ZNF354C: variants seen among roughly 807,000 people sequenced by gnomAD.
ZNF354C encodes the protein KRAB-zinc finger protein synten.
ZNF354C carries 7 observed loss-of-function variants against 12.4 expected under a neutral mutation model. The observed-to-expected ratio is 0.56, with a 90% CI of 0.32 to 1.06. The LOEUF (loss-of-function observed/expected upper bound fraction) is 1.06, where lower values mean the gene tolerates loss of function less well. ZNF354C is among the 50% of genes least tolerant of loss of function. ZNF354C has a pLI of 0.04. For missense variants in ZNF354C, 609 were observed against 658.0 expected (o/e 0.93, Z 0.81); for synonymous variants, 202 against 224.5 (o/e 0.90, Z 0.90).
chr5:179,082,838 A>G lies in ZNF354C; in HGVS notation c.*2741A>G. The G allele has an allele frequency of 1.6e-6, 2 of 1,278,296 alleles. No homozygotes were observed. Among genetic ancestry groups the G allele is most frequent in the Non-Finnish European group, 2.3e-6 (2 of 875,100 alleles). 79.2% of individuals were successfully genotyped at this position (1,278,296 alleles called of 1,614,324 possible). A position where few individuals can be genotyped will look rare whatever the true frequency, so the allele number is the denominator to read the frequency against. On this transcript the variant is annotated 3_prime_UTR_variant, in exon 5 of 5. Coordinates refer to ENST00000315475, the MANE Select transcript of ZNF354C (RefSeq NM_014594.3). Reference sequence around the variant, plus strand: ...ACCGATCAGGTCGAGGAGCTGCAACAGCCTTGGGGCCCTCACAGACTCGCC... The same window carrying G: ...ACCGATCAGGTCGAGGAGCTGCAACGGCCTTGGGGCCCTCACAGACTCGCC...
Position 179,069,576 on chromosome 5 carries a change from A to AG in ZNF354C, c.28-6869_28-6868insG, listed in dbSNP as rs1554119872. 7.9e-3 allele frequency among the ~76,000 whole-genome samples: 1,192 copies of AG among 150,008 alleles called. 23 individuals carry two copies. The highest frequency in any genetic ancestry group is 0.028 in the African/African-American group (1,136 of 40,674). On this transcript the variant is annotated intron_variant, in intron 2 of 4. Coordinates refer to ENST00000315475, the MANE Select transcript of ZNF354C (RefSeq NM_014594.3). ...GACTCCATCTCAAAAAAAAAAAAAA[A>AG]AAAGAAAGGCCGGGCACGGTGGCTC... is the stretch of plus-strand genomic sequence containing the variant.
chr5:179,061,807 C>T (rs1561746605), intron 1 of ZNF354C, among the ~76,000 whole-genome samples: 1 of 152,036 alleles, frequency 6.6e-6, no homozygotes, highest in Non-Finnish European at 1.5e-5. Context: ...CTGAGAGGCC[C>T]GAAGGTGGAA....
intron 2 of ZNF354C, among the ~76,000 whole-genome samples, chr5:179,066,319 A>G (rs1247134411): frequency 2.0e-5 from 3 of 152,264 alleles, no homozygotes; most frequent in Non-Finnish European, 4.4e-5. Context: ...CATTGCTGCC[A>G]TTCATTTCAC....
At chr5:179,071,886 T>C (rs1381630102) in intron 2 of ZNF354C, among the ~76,000 whole-genome samples, 1 of 152,092 alleles carries the variant, frequency 6.6e-6, no homozygotes, top group Non-Finnish European at 1.5e-5. Context: ...ACAAAGATAT[T>C]TGATGCTGCC....
rs1339976441 is a variant in ZNF354C at position 179,081,202 on chromosome 5, ATTCTTTT to A, written c.*1111_*1117del. ...ATCTTAATAATTGACTCACAACTATATTCTTTTTTCTTATGAGTCCCTAATTATGCCT... is the reference window on the plus strand; with the variant it reads ...ATCTTAATAATTGACTCACAACTATATTCTTATGAGTCCCTAATTATGCCT... On this transcript the variant is annotated 3_prime_UTR_variant, in exon 5 of 5. Transcript: ENST00000315475. The A allele has an allele frequency of 6.6e-6, 1 of 152,162 alleles. No homozygotes were observed. The highest frequency in any genetic ancestry group is 1.5e-5 in the Non-Finnish European group (1 of 68,032). The allele number at this position is 152,162 out of a possible 1,614,324, so 9.4% of individuals were successfully genotyped here.
chr5:179,066,712 C>T (rs770258341), intron 2 of ZNF354C, among the ~76,000 whole-genome samples: 30 of 152,222 alleles, frequency 2.0e-4, no homozygotes, highest in Non-Finnish European at 3.8e-4. Flanking sequence ...GGAAAATCCA[C>T]TGTCATTCTT....
chr5:179,074,211 G>T (rs886068268), intron 2 of ZNF354C, among the ~76,000 whole-genome samples: 13 of 151,998 alleles, frequency 8.6e-5, no homozygotes, highest in African/African-American at 2.9e-4. Context: ...TCCATCTCTT[G>T]ACCTCGTGAT....
At chr5:179,071,526 A>G (rs962662790) in intron 2 of ZNF354C, among the ~76,000 whole-genome samples, 3 of 152,192 alleles carry the variant, frequency 2.0e-5, no homozygotes, top group African/African-American at 7.2e-5. Flanking sequence ...GGTACTGGAG[A>G]GAAATCAAAA....
Position 179,082,484 on chromosome 5 carries a change from T to G in ZNF354C, c.*2387T>G, listed in dbSNP as rs1581123256. On this transcript the variant is annotated 3_prime_UTR_variant, in exon 5 of 5. Coordinates refer to ENST00000315475, the MANE Select transcript of ZNF354C (RefSeq NM_014594.3). ...ACTGGACTTTTTTTTATATATTTAT[T>G]TTAAAATGGTTTTCTTAAATTTATT... 1.8e-6 allele frequency: 1 copy of G among 560,320 alleles called. No individual in the cohort carries two copies. Among genetic ancestry groups the G allele is most frequent in the African/African-American group, 1.9e-5 (1 of 53,014 alleles). 34.7% of individuals were successfully genotyped at this position (560,320 alleles called of 1,614,324 possible).
At position 179,078,941 on chromosome 5, in the gene ZNF354C, T is replaced by G. The variant is rs1443826514; in HGVS notation, c.509T>G (p.Phe170Cys). 33 of 1,613,932 alleles carry G rather than the reference T, an allele frequency of 2.0e-5. No individual in the cohort carries two copies. The highest frequency in any genetic ancestry group is 2.6e-5 in the Non-Finnish European group (31 of 1,180,000). Residue 170 changes from phenylalanine (F) to cysteine (C), a missense_variant, in exon 5 of 5, where the codon TTT becomes TGT. Transcript: ENST00000315475. ...AGTCTTGAATTGGGGAAAAGCTTAT[T>G]TACAAATACAGCTCTTGTCACACAA... ...HTSLELGKSL[F>C]TNTALVTQQS...
rs776975189 is a variant in ZNF354C at position 179,078,798 on chromosome 5, T to G, written c.366T>G (p.Ile122Met). ...CCATTAAGGATGGTCACTGGGACATTAACTTTGAAGAAGCTGTGGAATTTG... is the reference window on the plus strand; with the variant it reads ...CCATTAAGGATGGTCACTGGGACATGAACTTTGAAGAAGCTGTGGAATTTG... ...KESIKDGHWD[I>M]NFEEAVEFES... is the part of the protein sequence containing the mutation. The change falls in exon 5 of 5, where the codon ATT becomes ATG. Residue 122 changes from isoleucine to methionine, a missense_variant. Coordinates refer to ENST00000315475, the MANE Select transcript of ZNF354C (RefSeq NM_014594.3). The G allele has an allele frequency of 6.2e-7, 1 of 1,614,082 alleles. No individual in the cohort carries two copies. Among genetic ancestry groups the G allele is most frequent in the Non-Finnish European group, 8.5e-7 (1 of 1,179,990 alleles).
chr5:179,083,393 G>T lies in ZNF354C; in HGVS notation c.*3296G>T, dbSNP rs1049716278. ...GTTTTGAAAAGTCATGATGTTGACA[G>T]CATATTTTCAAATAAATATGTACAA... On this transcript the variant is annotated 3_prime_UTR_variant, in exon 5 of 5. Transcript: ENST00000315475. 1 of 154,014 alleles carries T rather than the reference G, an allele frequency of 6.5e-6. No individual in the cohort carries two copies. Among genetic ancestry groups the T allele is most frequent in the Non-Finnish European group, 1.4e-5 (1 of 69,344 alleles). 9.5% of individuals were successfully genotyped at this position (154,014 alleles called of 1,614,324 possible). A position where few individuals can be genotyped will look rare whatever the true frequency, so the allele number is the denominator to read the frequency against.
chr5:179,082,673 T>C lies in ZNF354C; in HGVS notation c.*2576T>C. On this transcript the variant is annotated 3_prime_UTR_variant, in exon 5 of 5. Coordinates refer to ENST00000315475, the MANE Select transcript of ZNF354C (RefSeq NM_014594.3). ...TTAATGACGTGCTTTGTGGATGTGGTTAGTCAATGACACCAGCTTGACGGA... is the reference window on the plus strand; with the variant it reads ...TTAATGACGTGCTTTGTGGATGTGGCTAGTCAATGACACCAGCTTGACGGA... The C allele has an allele frequency of 6.3e-7, 1 of 1,589,986 alleles. No individual in the cohort carries two copies. The highest frequency in any genetic ancestry group is 1.1e-5 in the South Asian group (1 of 90,430).
At position 179,081,314 on chromosome 5, in the gene ZNF354C, T is replaced by C. The variant is rs570152945; in HGVS notation, c.*1217T>C. On this transcript the variant is annotated 3_prime_UTR_variant, in exon 5 of 5. Coordinates refer to ENST00000315475, the MANE Select transcript of ZNF354C (RefSeq NM_014594.3). ...TAATTGCTTTTGGAGGCTTCACATATAAGGTTGCCTTCTTATTACACATAT... is the reference window on the plus strand; with the variant it reads ...TAATTGCTTTTGGAGGCTTCACATACAAGGTTGCCTTCTTATTACACATAT... The C allele has an allele frequency of 6.6e-6, 1 of 152,330 alleles. No homozygotes were observed. The highest frequency in any genetic ancestry group is 6.5e-5 in the Admixed American group (1 of 15,296). 9.4% of individuals were successfully genotyped at this position (152,330 alleles called of 1,614,324 possible).
chr5:179,061,689 G>A (rs974482488), intron 1 of ZNF354C, among the ~76,000 whole-genome samples: 9 of 152,110 alleles, frequency 5.9e-5, no homozygotes, highest in African/African-American at 2.2e-4. Flanking sequence ...AGGCTGGGAA[G>A]TGGCGCCCCA....
At chr5:179,064,305 G>A (rs1031927598) in intron 2 of ZNF354C, among the ~76,000 whole-genome samples, 1 of 151,080 alleles carries the variant, frequency 6.6e-6, no homozygotes, top group Non-Finnish European at 1.5e-5. Flanking sequence ...ACAGTGGTGC[G>A]ATCTCGGCTC....
Position 179,079,291 on chromosome 5 carries a change from C to T in ZNF354C, c.859C>T (p.Leu287Phe). 6.2e-7 allele frequency: 1 copy of T among 1,614,134 alleles called. No individual in the cohort carries two copies. Residue 287 changes from leucine (L) to phenylalanine (F), a missense_variant, in exon 5 of 5, where the codon CTT becomes TTT. Transcript: ENST00000315475. This position sits in a 1 kb window ranked among gnomAD's most constrained non-coding sequence, Gnocchi z 4.2. ...CEKAFSNSST[L>F]IKHLRVHTGE... ...GAAGGCATTTAGCAACAGTTCAACC[C>T]TTATCAAACATCTGAGAGTGCATAC...
chr5:179,065,574 C>G (rs771157833), intron 2 of ZNF354C, among the ~76,000 whole-genome samples: 9 of 152,036 alleles, frequency 5.9e-5, no homozygotes, highest in Non-Finnish European at 1.2e-4. Context: ...TGCCATCACG[C>G]CCTGCTAATT....
intron 2 of ZNF354C, among the ~76,000 whole-genome samples, chr5:179,064,071 T>C (rs1761929199): frequency 6.6e-6 from 1 of 152,160 alleles, no homozygotes; most frequent in African/African-American, 2.4e-5. Context: ...AAAGGTAGGG[T>C]TGTTCGCTAT....
Sources: gnomAD v4.1 joint callset for allele counts (sites outside exome capture counted in the v4.1 genomes callset) on GRCh38, gnomAD v4.1.1 for gene constraint, Gnocchi (gnomAD v3.1) non-coding constraint, MANE v1.5 for transcripts, NCBI Gene and HGNC (gene_info 2026-07-23, HGNC 2026-07-21) for gene names.